Variants in TRIM44 observed in about 807,000 individuals in gnomAD.
TRIM44 encodes the protein tripartite motif containing 44, also known as tripartite motif-containing protein 44.
In TRIM44, 13 loss-of-function variants were observed where a neutral mutation model predicts 37.4. That is an observed-to-expected ratio of 0.35 (90% confidence interval 0.23 to 0.55). The LOEUF is 0.55. Among genes scored for constraint, TRIM44 ranks in the 20% least tolerant of loss-of-function variants. The pLI is 0.89. For synonymous variants in TRIM44, 175 were observed against 157.2 expected (o/e 1.11, Z -0.85); for missense variants, 426 against 437.2 (o/e 0.97, Z 0.23).
At position 35,815,278 on chromosome 11, in the gene TRIM44, CT is replaced by C. The variant is rs1398745344; in HGVS notation, c.*8897del. 6.6e-6 allele frequency: 1 copy of C among 152,080 alleles called. No individual in the cohort carries two copies. Among genetic ancestry groups the C allele is most frequent in the East Asian group, 1.9e-4 (1 of 5,190 alleles). 9.4% of individuals were successfully genotyped at this position (152,080 alleles called of 1,614,324 possible). A position where few individuals can be genotyped will look rare whatever the true frequency, so the allele number is the denominator to read the frequency against. On this transcript the variant is annotated 3_prime_UTR_variant, in exon 5 of 5. Transcript: ENST00000299413. The stretch of plus-strand genomic sequence containing the variant: ...GATTAGAGGTGTTAATTGGAAGTAA[CT>C]TTTCTATATTTGGTTTCTCTCCACA...
chr11:35,712,279 A>G (rs906981122), intron 2 of TRIM44, among the ~76,000 whole-genome samples: 1 of 152,218 alleles, frequency 6.6e-6, no homozygotes, highest in Non-Finnish European at 1.5e-5. Context: ...CAGACTCCCT[A>G]GTTAGCAGAA....
In TRIM44 at chr11:35,662,822, C is replaced by T; in HGVS notation, c.-290C>T. 3.5e-6 allele frequency: 1 copy of T among 283,350 alleles called. No homozygotes were observed. The highest frequency in any genetic ancestry group is 6.3e-6 in the Non-Finnish European group (1 of 158,124). 17.6% of individuals were successfully genotyped at this position (283,350 alleles called of 1,614,324 possible). A position where few individuals can be genotyped will look rare whatever the true frequency, so the allele number is the denominator to read the frequency against. ...TGGTAGCGGGAGGCTGAGCGGGCGG[C>T]GCGACGCGGGGGCCGACGGGGGCGC... On this transcript the variant is annotated 5_prime_UTR_variant, in exon 1 of 5. Transcript: ENST00000299413.
intron 2 of TRIM44, among the ~76,000 whole-genome samples, chr11:35,703,576 C>T (rs886750473): frequency 3.3e-5 from 5 of 152,166 alleles, no homozygotes; most frequent in Non-Finnish European, 5.9e-5. Flanking sequence ...TCCAGAGGAA[C>T]GATCAGACGG....
Position 35,766,378 on chromosome 11 carries a change from G to A in TRIM44, c.1007+30933G>A, listed in dbSNP as rs571313215. Among the ~76,000 whole-genome samples, 5 of 152,268 alleles carry A rather than the reference G, an allele frequency of 3.3e-5. No homozygotes were observed. In the East Asian group the frequency reaches 9.6e-4, roughly 29 times the overall value. ...GTTATATAGGGCTTCTCCTCCCCAAGGCCAGGGTAGAGCAGAAGGGTAAAT... is the reference window on the plus strand; with the variant it reads ...GTTATATAGGGCTTCTCCTCCCCAAAGCCAGGGTAGAGCAGAAGGGTAAAT... On this transcript the variant is annotated intron_variant, in intron 4 of 4. Transcript: ENST00000299413.
intron 3 of TRIM44, 111 bp downstream of exon 3, chr11:35,726,274 G>A (rs1852174093): frequency 7.2e-7 from 1 of 1,380,584 alleles, no homozygotes; most frequent in African/African-American, 1.5e-5. Flanking sequence ...AGTCTAGGTA[G>A]AGTATAAGTG....
At position 35,663,320 on chromosome 11, in the gene TRIM44, C is replaced by T. The variant is rs766415812; in HGVS notation, c.209C>T (p.Pro70Leu). Reference protein sequence around the residue: ...YVHGSQAWTPPADGEGAGKEE... With the variant: ...YVHGSQAWTPLADGEGAGKEE... ...CACGGCTCCCAGGCCTGGACCCCGC[C>T]AGCTGACGGAGAGGGGGCGGGGAAG... Residue 70 changes from proline (P) to leucine (L), a missense_variant, in exon 1 of 5, where the codon CCA (proline) becomes CTA (leucine). Physicochemically the swap from Pro to Leu is moderately conservative, Grantham distance 98. Transcript: ENST00000299413. 4.1e-5 allele frequency: 66 copies of T among 1,613,912 alleles called. No homozygotes were observed. The highest frequency in any genetic ancestry group is 4.7e-5 in the Non-Finnish European group (56 of 1,180,022).
chr11:35,685,207 TGA>T, intron 1 of TRIM44, 50 bp from the exon 2 acceptor site: 1 of 1,481,690 alleles, frequency 6.7e-7, no homozygotes, highest in Non-Finnish European at 9.4e-7. Flanking sequence ...TGTTTGTGTT[TGA>T]GAGAGCAACA....
chr11:35,740,384 C>T (rs961040504), intron 4 of TRIM44, among the ~76,000 whole-genome samples: 3 of 152,026 alleles, frequency 2.0e-5, no homozygotes, highest in African/African-American at 7.2e-5. Context: ...CCCTTAAACT[C>T]TTGTGCTTAG....
intron 1 of TRIM44, among the ~76,000 whole-genome samples, chr11:35,669,636 C>T (rs1294455295): frequency 6.6e-6 from 1 of 151,912 alleles, no homozygotes; most frequent in Non-Finnish European, 1.5e-5. Flanking sequence ...CCACCATGCC[C>T]AGCTAATTTT....
At chr11:35,672,692 C>T (rs949947268) in intron 1 of TRIM44, among the ~76,000 whole-genome samples, 10 of 151,896 alleles carry the variant, frequency 6.6e-5, no homozygotes, top group East Asian at 3.9e-4. Context: ...GGAGGTATGC[C>T]GTAGTATATT....
intron 1 of TRIM44, among the ~76,000 whole-genome samples, chr11:35,673,110 T>G (rs1307881763): frequency 6.6e-6 from 1 of 152,250 alleles, no homozygotes; most frequent in Non-Finnish European, 1.5e-5. Flanking sequence ...GAATTCACTC[T>G]CTACAGTGGG....
intron 4 of TRIM44, among the ~76,000 whole-genome samples, chr11:35,800,964 C>T (rs1853360551): frequency 6.6e-6 from 1 of 152,140 alleles, no homozygotes; most frequent in Admixed American, 6.5e-5. Flanking sequence ...TCAGTTAGCC[C>T]AAAATAGACC....
chr11:35,789,829 C>T (rs777854730), intron 4 of TRIM44, among the ~76,000 whole-genome samples: 11 of 152,190 alleles, frequency 7.2e-5, no homozygotes, highest in East Asian at 1.9e-4. Context: ...TTCCAGGTAT[C>T]GTAAATACAT....
At chr11:35,749,377 TAGAATA>T (rs964889150) in intron 4 of TRIM44, among the ~76,000 whole-genome samples, 1 of 152,024 alleles carries the variant, frequency 6.6e-6, no homozygotes, top group Non-Finnish European at 1.5e-5. Context: ...ATACAAAAGA[TAGAATA>T]AGAATAAGAG....
chr11:35,733,288 AG>A (rs940315612), intron 3 of TRIM44, among the ~76,000 whole-genome samples: 7 of 152,154 alleles, frequency 4.6e-5, no homozygotes, highest in African/African-American at 1.7e-4. Context: ...CATTACACCA[AG>A]GTATGTGATT....
At chr11:35,722,629 T>C (rs1464736298) in intron 2 of TRIM44, among the ~76,000 whole-genome samples, 1 of 152,230 alleles carries the variant, frequency 6.6e-6, no homozygotes, top group Non-Finnish European at 1.5e-5. Context: ...GGGACTGTAA[T>C]GGTGAGGACC....
chr11:35,726,135 C>T lies in TRIM44; in HGVS notation c.959C>T (p.Ser320Phe). The change falls in exon 3 of 5, where the codon TCT becomes TTT. Residue 320 changes from serine to phenylalanine, a missense_variant. Coordinates refer to ENST00000299413, the MANE Select transcript of TRIM44 (RefSeq NM_017583.6). The part of the protein sequence containing the change: ...MAQAKEQLDT[S>F]NESAEPKAEG... The stretch of plus-strand genomic sequence containing the variant: ...CAAGCCAAGGAACAACTTGATACCT[C>T]TAATGAATCAGCTGAGCCAAAGGCA... 6.2e-7 allele frequency: 1 copy of T among 1,614,058 alleles called. No individual in the cohort carries two copies. The highest frequency in any genetic ancestry group is 8.5e-7 in the Non-Finnish European group (1 of 1,179,984).
intron 4 of TRIM44, among the ~76,000 whole-genome samples, chr11:35,779,060 C>G (rs1853018574): frequency 6.6e-6 from 1 of 152,224 alleles, no homozygotes; most frequent in South Asian, 2.1e-4. Flanking sequence ...TCTACAGAGG[C>G]AGGCAGGCCT....
chr11:35,710,293 A>G (rs753159987), intron 2 of TRIM44, among the ~76,000 whole-genome samples: 8 of 152,166 alleles, frequency 5.3e-5, no homozygotes, highest in Non-Finnish European at 4.4e-5. Context: ...ACCTAAGGTT[A>G]TCTCTTATAA....
Sources: gnomAD v4.1 joint callset for allele counts (sites outside exome capture counted in the v4.1 genomes callset) on GRCh38, gnomAD v4.1.1 for gene constraint, MANE v1.5 for transcripts, NCBI Gene and HGNC (gene_info 2026-07-23, HGNC 2026-07-21) for gene names.